The following PCGF5 variants were observed in gnomAD, a reference collection of about 807,000 sequenced individuals.
PCGF5 encodes the protein polycomb group ring finger 5.
A neutral mutation model predicts 44.3 loss-of-function variants in PCGF5; 9 were observed. The ratio of observed to expected loss-of-function variants is 0.20; its 90% CI spans 0.12 to 0.35. The LOEUF (loss-of-function observed/expected upper bound fraction) is 0.35. PCGF5 is among the 10% of genes least tolerant of loss of function. PCGF5 has a pLI of 1.00. For synonymous variants in PCGF5, 95 were observed against 102.5 expected (o/e 0.93, Z 0.44); for missense variants, 146 against 305.3 (o/e 0.48, Z 3.89).
At chr10:91,233,524 A>G (rs1462478492) in intron 2 of PCGF5, among the ~76,000 whole-genome samples, 3 of 152,250 alleles carry the variant, frequency 2.0e-5, no homozygotes, top group African/African-American at 7.2e-5. Context: ...AAACGTGCCA[A>G]TATACGGCAC....
chr10:91,264,394 C>A, intron 7 of PCGF5, 37 bp from the exon 8 acceptor site: 2 of 1,452,316 alleles, frequency 1.4e-6, no homozygotes, highest in South Asian at 1.3e-5. Context: ...TTGAATTCAA[C>A]ATTATGTTAA....
intron 1 of PCGF5, among the ~76,000 whole-genome samples, chr10:91,199,174 A>G (rs1438352447): frequency 6.6e-6 from 1 of 152,204 alleles, no homozygotes; most frequent in Admixed American, 6.5e-5. Flanking sequence ...GCAAAGTTCC[A>G]GAGTCTGTGA....
intron 1 of PCGF5, among the ~76,000 whole-genome samples, chr10:91,190,742 A>G (rs1466927362): frequency 6.6e-6 from 1 of 152,200 alleles, no homozygotes. Context: ...AATACCAAAC[A>G]AATGAGCTGT....
At chr10:91,178,652 G>A (rs1430870151) in intron 1 of PCGF5, among the ~76,000 whole-genome samples, 1 of 152,024 alleles carries the variant, frequency 6.6e-6, no homozygotes, top group Admixed American at 6.5e-5. Context: ...GCCTCCCAAA[G>A]TGCTGGGATT....
chr10:91,253,354 GCCT>G lies in PCGF5; in HGVS notation c.474+1916_474+1918del, dbSNP rs143467658. On this transcript the variant is annotated intron_variant, in intron 6 of 9. Coordinates refer to ENST00000336126, the MANE Select transcript of PCGF5 (RefSeq NM_032373.5). Reference sequence around the variant, plus strand: ...CCCTACCATTCCACCTTCAAGTAGGGCCTCATGTCTGTTGTTCTCTTCTTTATG... The same window carrying G: ...CCCTACCATTCCACCTTCAAGTAGGGCATGTCTGTTGTTCTCTTCTTTATG... 9.6e-3 allele frequency among the ~76,000 whole-genome samples: 1,452 copies of G among 151,908 alleles called. 25 individuals carry two copies. The highest frequency in any genetic ancestry group is 0.032 in the African/African-American group (1,312 of 41,446).
At chr10:91,196,621 C>G (rs1351936433) in intron 1 of PCGF5, among the ~76,000 whole-genome samples, 4 of 152,206 alleles carry the variant, frequency 2.6e-5, no homozygotes, top group African/African-American at 9.6e-5. Flanking sequence ...CTGACCCACA[C>G]TTGCCCAGCT....
rs1846467749 is a variant in PCGF5 at position 91,282,085 on chromosome 10, A to C, written c.*3769A>C. ...GGCAGACTTTGGTAAAAGTGCCAAC[A>C]CACTTACTTGTATAGAAAAGACTTC... On this transcript the variant is annotated 3_prime_UTR_variant, in exon 10 of 10. Transcript: ENST00000336126. 6.6e-6 allele frequency: 1 copy of C among 152,248 alleles called. No homozygotes were observed. The highest frequency in any genetic ancestry group is 2.4e-5 in the African/African-American group (1 of 41,470). 9.4% of individuals were successfully genotyped at this position (152,248 alleles called of 1,614,324 possible).
chr10:91,211,100 T>G (rs1209787529), intron 1 of PCGF5, among the ~76,000 whole-genome samples: 1 of 151,930 alleles, frequency 6.6e-6, no homozygotes, highest in Admixed American at 6.5e-5. Context: ...ATTTCCCATC[T>G]TATCAGCTTT....
At position 91,251,330 on chromosome 10, in the gene PCGF5, G is replaced by A; in HGVS notation, c.364G>A (p.Glu122Lys). The change falls in exon 6 of 10, where the codon GAA becomes AAA. Residue 122 changes from glutamate to lysine, a missense_variant. By Grantham distance (56) the Glu-to-Lys change is moderately conservative. This residue lies in a region of PCGF5 where 123 missense variants were observed against 268.6 expected (regional missense o/e 0.46). Coordinates refer to ENST00000336126, the MANE Select transcript of PCGF5 (RefSeq NM_032373.5). ...AGCTGACAAACCGAAAGTAGATGAA[G>A]AAGGTGATGAAAATGAAGATGATAA... ...SKADKPKVDE[E>K]GDENEDDKDY... is the part of the protein sequence containing the mutation. 6.2e-7 allele frequency: 1 copy of A among 1,610,520 alleles called. No homozygotes were observed. Among genetic ancestry groups the A allele is most frequent in the Non-Finnish European group, 8.5e-7 (1 of 1,177,640 alleles).
chr10:91,224,226 G>A (rs1844757702), intron 2 of PCGF5, among the ~76,000 whole-genome samples: 1 of 152,210 alleles, frequency 6.6e-6, no homozygotes, highest in African/African-American at 2.4e-5. Flanking sequence ...TTTTGGAAGA[G>A]CTCCCCAAGT....
chr10:91,186,478 T>C (rs913813633), intron 1 of PCGF5, among the ~76,000 whole-genome samples: 1 of 152,152 alleles, frequency 6.6e-6, no homozygotes, highest in African/African-American at 2.4e-5. Context: ...GAAATGTTTA[T>C]TGTGTAGATG....
Position 91,279,240 on chromosome 10 carries a change from C to T in PCGF5, c.*924C>T, listed in dbSNP as rs1042906004. ...CTTAGGTATATGTCATTGTGGCATG[C>T]AGAGGGTTATGACGATTTTAAATAT... is the stretch of plus-strand genomic sequence containing the variant. On this transcript the variant is annotated 3_prime_UTR_variant, in exon 10 of 10. Coordinates refer to ENST00000336126, the MANE Select transcript of PCGF5 (RefSeq NM_032373.5). 6.6e-6 allele frequency: 1 copy of T among 152,020 alleles called. No individual in the cohort carries two copies. The highest frequency in any genetic ancestry group is 6.6e-5 in the Admixed American group (1 of 15,254). The allele number at this position is 152,020 out of a possible 1,614,324, so 9.4% of individuals were successfully genotyped here.
chr10:91,182,578 C>G (rs994697087), intron 1 of PCGF5, among the ~76,000 whole-genome samples: 1 of 152,000 alleles, frequency 6.6e-6, no homozygotes, highest in African/African-American at 2.4e-5. Context: ...TATTTCTTGT[C>G]TTCTAGCTTT....
At chr10:91,256,127 G>A (rs888412688) in intron 6 of PCGF5, among the ~76,000 whole-genome samples, 1 of 152,032 alleles carries the variant, frequency 6.6e-6, no homozygotes, top group Non-Finnish European at 1.5e-5. Flanking sequence ...CTGTCGCTGA[G>A]GAAGCCCAGA....
chr10:91,195,532 G>A (rs2420802), intron 1 of PCGF5, among the ~76,000 whole-genome samples: 27,253 of 150,260 alleles, frequency 0.18, 3,072 homozygotes, highest in East Asian at 0.49. Flanking sequence ...TCACTCAGAC[G>A]GGAGTGCAGT....
intron 1 of PCGF5, among the ~76,000 whole-genome samples, chr10:91,181,341 C>T (rs1843815829): frequency 6.6e-6 from 1 of 152,106 alleles, no homozygotes; most frequent in South Asian, 2.1e-4. Flanking sequence ...TTTGAATGCA[C>T]TTTATTTCTT....
At chr10:91,274,135 G>A (rs2081377046) in intron 9 of PCGF5, among the ~76,000 whole-genome samples, 1 of 151,552 alleles carries the variant, frequency 6.6e-6, no homozygotes. Context: ...ATATGTAATA[G>A]TACATTACAT....
At chr10:91,224,270 G>A (rs903734707) in intron 2 of PCGF5, among the ~76,000 whole-genome samples, 3 of 152,106 alleles carry the variant, frequency 2.0e-5, no homozygotes, top group African/African-American at 7.2e-5. Context: ...GGTATTACTG[G>A]CACATCTTAT....
chr10:91,259,048 A>G (rs1013323425), intron 6 of PCGF5, among the ~76,000 whole-genome samples: 2 of 152,106 alleles, frequency 1.3e-5, no homozygotes, highest in Non-Finnish European at 2.9e-5. Flanking sequence ...TTTGTTTCAC[A>G]TATTGGTTCG....
Sources: gnomAD v4.1 joint callset for allele counts (sites outside exome capture counted in the v4.1 genomes callset) on GRCh38, gnomAD v4.1.1 for gene constraint, gnomAD v4.1.1 regional missense constraint, MANE v1.5 for transcripts, NCBI Gene and HGNC (gene_info 2026-07-23, HGNC 2026-07-21) for gene names.